The following PLCB4 variants were observed in gnomAD, a reference collection of about 807,000 sequenced individuals.
PLCB4 encodes the protein phospholipase C beta 4, also known as 1-phosphatidylinositol 4,5-bisphosphate phosphodiesterase beta-4.
Under a neutral mutation model 178.8 loss-of-function variants are expected in PLCB4, and 77 were observed. The observed-to-expected ratio is 0.43, with a 90% CI of 0.36 to 0.52. PLCB4 has a LOEUF of 0.52. Among genes scored for constraint, PLCB4 ranks in the 20% least tolerant of loss-of-function variants. The probability of loss-of-function intolerance (pLI) is 0.00; values close to 1 mark genes in which losing one functional copy is unlikely to be tolerated. For synonymous variants in PLCB4, 496 were observed against 490.8 expected, an observed-to-expected ratio of 1.01 and a Z score of -0.14; for missense variants, 1,024 against 1,453.4, an observed-to-expected ratio of 0.70 and a Z score of 4.80.
intron 1 of PLCB4, among the ~76,000 whole-genome samples, chr20:9,094,607 C>G (rs2090827294): frequency 6.6e-6 from 1 of 152,166 alleles, no homozygotes; most frequent in Non-Finnish European, 1.5e-5. Context: ...CATCATTACA[C>G]TGTAACAAAC....
At chr20:9,101,764 G>A (rs914429895) in intron 2 of PLCB4, among the ~76,000 whole-genome samples, 1 of 151,854 alleles carries the variant, frequency 6.6e-6, no homozygotes, top group East Asian at 1.9e-4. Context: ...ATATTGCCTA[G>A]TGTTGCTTAC....
chr20:9,166,454 C>T (rs41306904), intron 2 of PLCB4: 5,295 of 152,278 alleles, frequency 0.035, 117 homozygotes, highest in Non-Finnish European at 0.056. Flanking sequence ...TGGCTGTGGG[C>T]ACTGTTTGCC....
At chr20:9,164,245 T>G (rs1293594053) in intron 2 of PLCB4, among the ~76,000 whole-genome samples, 1 of 152,194 alleles carries the variant, frequency 6.6e-6, no homozygotes, top group Non-Finnish European at 1.5e-5. Flanking sequence ...CAGTAAATGG[T>G]GGCTGAAAGA....
At chr20:9,260,396 G>C (rs1044319859) in intron 3 of PLCB4, among the ~76,000 whole-genome samples, 1 of 151,962 alleles carries the variant, frequency 6.6e-6, no homozygotes, top group African/African-American at 2.4e-5. Context: ...TTTTGGCAGG[G>C]GTTGTTGAAT....
chr20:9,437,205 G>A (rs1450243672), intron 30 of PLCB4, 53 bp downstream of exon 30: 2 of 1,483,532 alleles, frequency 1.3e-6, no homozygotes, highest in Non-Finnish European at 9.3e-7. Flanking sequence ...TAATTACACA[G>A]TGTACAATAT....
intron 3 of PLCB4, among the ~76,000 whole-genome samples, chr20:9,276,434 G>A (rs1455566013): frequency 6.6e-6 from 1 of 152,060 alleles, no homozygotes; most frequent in Non-Finnish European, 1.5e-5. Flanking sequence ...CTCAGACGGG[G>A]AGGAATACCT....
At chr20:9,104,497 T>C (rs2091291901) in intron 2 of PLCB4, among the ~76,000 whole-genome samples, 1 of 152,096 alleles carries the variant, frequency 6.6e-6, no homozygotes, top group Admixed American at 6.6e-5. Flanking sequence ...TCTGCCTCAG[T>C]CCTTCTCACC....
intron 27 of PLCB4, 64 bp downstream of exon 27, chr20:9,421,525 A>G: frequency 7.6e-7 from 1 of 1,313,880 alleles, no homozygotes; most frequent in Middle Eastern, 2.6e-4. Context: ...TAGTTCACAG[A>G]CGCTACACGA....
rs191044724 is a variant in PLCB4 at position 9,465,494 on chromosome 20, G to A, written c.3249-3077G>A. On this transcript the variant is annotated intron_variant, in intron 35 of 39. Coordinates refer to ENST00000378473, the MANE Select transcript of PLCB4 (RefSeq NM_001377142.1). ...ATTTAGGAAAAGAGGAAGTCAAATT[G>A]TCCCTGTTTGCACATCACATGATAG... Among the ~76,000 whole-genome samples the A allele has an allele frequency of 2.7e-3, 417 of 152,286 alleles. 2 individuals are homozygous for A. The highest frequency in any genetic ancestry group is 3.4e-3 in the Middle Eastern group (1 of 294).
chr20:9,232,169 G>A (rs1046899855), intron 3 of PLCB4, among the ~76,000 whole-genome samples: 48 of 152,100 alleles, frequency 3.2e-4, no homozygotes, highest in African/African-American at 9.7e-4. Flanking sequence ...ATTGAAGGAG[G>A]GTGATGACAA....
chr20:9,214,325 C>A (rs2093704985), intron 2 of PLCB4, among the ~76,000 whole-genome samples: 1 of 152,096 alleles, frequency 6.6e-6, no homozygotes, highest in Non-Finnish European at 1.5e-5. Context: ...TATCTTCATT[C>A]GTTTGCGTGT....
chr20:9,426,482 G>T (rs186393998), intron 28 of PLCB4, among the ~76,000 whole-genome samples: 1 of 152,024 alleles, frequency 6.6e-6, no homozygotes, highest in South Asian at 2.1e-4. Context: ...ATGTTCAGGC[G>T]ATTCTCCTGT....
In PLCB4 at chr20:9,423,806, T is replaced by C; in HGVS notation, c.2378T>C (p.Leu793Pro). The change falls in exon 28 of 40, where the codon CTG becomes CCG. Residue 793 changes from leucine (L) to proline (P), a missense_variant. This residue lies in a region of PLCB4 where 227 missense variants were observed against 374.3 expected (regional missense o/e 0.61). Coordinates refer to ENST00000378473, the MANE Select transcript of PLCB4 (RefSeq NM_001377142.1). The part of the protein sequence containing the change: ...RIAVYDDNNK[L>P]IGQRILPLDG... Reference sequence around the variant, plus strand: ...GCTGTGTATGATGATAACAACAAGCTGATTGGCCAGAGGATCCTCCCGCTT... The same window carrying C: ...GCTGTGTATGATGATAACAACAAGCCGATTGGCCAGAGGATCCTCCCGCTT... 1.2e-6 allele frequency: 2 copies of C among 1,614,044 alleles called. No homozygotes were observed. Among genetic ancestry groups the C allele is most frequent in the Non-Finnish European group, 1.7e-6 (2 of 1,179,972 alleles).
chr20:9,425,222 C>G (rs953157628), intron 28 of PLCB4, among the ~76,000 whole-genome samples: 4 of 152,166 alleles, frequency 2.6e-5, no homozygotes, highest in African/African-American at 9.7e-5. Context: ...TCAGAAACCT[C>G]CCTGCAACAC....
In PLCB4 at chr20:9,455,823, C is replaced by G. The variant is rs148592966; in HGVS notation, c.2997-1591C>G. Among the ~76,000 whole-genome samples, 8 of 152,264 alleles carry G rather than the reference C, an allele frequency of 5.3e-5. No homozygotes were observed. The East Asian group carries it at 1.5e-3, about 29-fold the overall frequency. ...GCCATATCTGAGGAGAGTTTCTCAT[C>G]ATTAATATTCACCATGATATCAAGG... On this transcript the variant is annotated intron_variant, in intron 33 of 39. Transcript: ENST00000378473.
chr20:9,378,379 T>G (rs1333051306), intron 12 of PLCB4, among the ~76,000 whole-genome samples: 1 of 152,164 alleles, frequency 6.6e-6, no homozygotes, highest in African/African-American at 2.4e-5. Context: ...ATGATATTAT[T>G]TATGGAGATG....
intron 7 of PLCB4, among the ~76,000 whole-genome samples, chr20:9,339,541 T>C (rs1479813082): frequency 2.0e-5 from 3 of 152,204 alleles, no homozygotes; most frequent in Non-Finnish European, 2.9e-5. Context: ...TAAAATTAAT[T>C]TTAATAAAAT....
intron 4 of PLCB4, among the ~76,000 whole-genome samples, chr20:9,330,056 A>G (rs796969078): frequency 2.8e-4 from 42 of 152,320 alleles, no homozygotes; most frequent in African/African-American, 9.4e-4. Context: ...CAGAATCACA[A>G]AGGATCTGCT....
chr20:9,349,310 C>T (rs777347235), intron 7 of PLCB4, among the ~76,000 whole-genome samples: 15 of 152,190 alleles, frequency 9.9e-5, no homozygotes, highest in Non-Finnish European at 2.1e-4. Flanking sequence ...CCTCTCCCCA[C>T]AGCGCTGATA....
Sources: allele counts gnomAD v4.1 joint callset (sites outside exome capture counted in the v4.1 genomes callset), GRCh38; gene constraint gnomAD v4.1.1; regional missense constraint gnomAD v4.1.1; transcripts MANE v1.5; gene names NCBI Gene and HGNC (gene_info 2026-07-23, HGNC 2026-07-21).